KIF21A: variants seen among roughly 807,000 people sequenced by gnomAD.
KIF21A encodes kinesin-like protein KIF21A.
In KIF21A, 114 loss-of-function variants were observed where a neutral mutation model predicts 202.9. That is an observed-to-expected ratio of 0.56 (90% CI 0.48 to 0.66). The LOEUF (loss-of-function observed/expected upper bound fraction) is 0.66. KIF21A is among the 30% of genes least tolerant of loss of function. KIF21A has a pLI of 0.00. For synonymous variants in KIF21A, 667 were observed against 670.8 expected, an observed-to-expected ratio of 0.99 and a Z score of 0.09; for missense variants, 1,677 against 1,994.9, an observed-to-expected ratio of 0.84 and a Z score of 3.04.
intron 1 of KIF21A, among the ~76,000 whole-genome samples, chr12:39,415,430 C>T (rs1953492476): frequency 2.0e-5 from 3 of 151,774 alleles, no homozygotes; most frequent in East Asian, 1.9e-4. Flanking sequence ...TTAATAGAGA[C>T]GGGGTTTCAC....
Position 39,396,073 on chromosome 12 carries a change from G to A in KIF21A, c.45-25812C>T, listed in dbSNP as rs746255289. ...CACGAACAATTAGTCCACCATCATC[G>A]GGACAAAGTCAACATAAGGCCAACC... On this transcript the variant is annotated intron_variant, in intron 1 of 37. Transcript: ENST00000361418. 4.9e-4 allele frequency among the ~76,000 whole-genome samples: 74 copies of A among 151,806 alleles called. 1 individual carries two copies. Among genetic ancestry groups the A allele is most frequent in the African/African-American group, 1.7e-3 (69 of 41,302 alleles).
intron 1 of KIF21A, among the ~76,000 whole-genome samples, chr12:39,408,439 A>G (rs1040878754): frequency 2.0e-5 from 3 of 152,112 alleles, no homozygotes; most frequent in African/African-American, 7.2e-5. Context: ...CAGACTGGTA[A>G]CAGTTCCTAG....
chr12:39,347,648 T>G (rs984107080), intron 11 of KIF21A, among the ~76,000 whole-genome samples: 4 of 152,052 alleles, frequency 2.6e-5, no homozygotes, highest in African/African-American at 4.8e-5. Flanking sequence ...ATGCCGCCAT[T>G]ATAAGACGAG....
intron 24 of KIF21A, among the ~76,000 whole-genome samples, chr12:39,328,425 T>C (rs990316184): frequency 1.7e-4 from 26 of 152,160 alleles, no homozygotes; most frequent in African/African-American, 6.3e-4. Flanking sequence ...GGATACAGAT[T>C]CCTCCAGAGT....
intron 1 of KIF21A, among the ~76,000 whole-genome samples, chr12:39,380,028 C>T (rs564188493): frequency 3.4e-4 from 52 of 152,276 alleles, no homozygotes; most frequent in African/African-American, 1.1e-3. Context: ...AGTGCAGTGG[C>T]GCTATCTCTG....
rs570526679 is a variant in KIF21A at position 39,293,901 on chromosome 12, C to G, written c.*523G>C. ...CTTATGAAAATTCATCAATAATATT[C>G]TCATATCTTATTTTTGTCCATTACA... On this transcript the variant is annotated 3_prime_UTR_variant, in exon 38 of 38. Coordinates refer to ENST00000361418, the MANE Select transcript of KIF21A (RefSeq NM_001173464.2). 6.4e-6 allele frequency: 1 copy of G among 156,396 alleles called. No individual in the cohort carries two copies. The highest frequency in any genetic ancestry group is 2.0e-4 in the South Asian group (1 of 5,116). The allele number at this position is 156,396 out of a possible 1,614,324, so 9.7% of individuals were successfully genotyped here.
At chr12:39,421,234 A>T (rs1385484335) in intron 1 of KIF21A, among the ~76,000 whole-genome samples, 1 of 152,220 alleles carries the variant, frequency 6.6e-6, no homozygotes, top group Non-Finnish European at 1.5e-5. Context: ...ACGCTCTATC[A>T]TATACCCTAA....
chr12:39,364,362 G>A (rs1228993423), intron 6 of KIF21A, among the ~76,000 whole-genome samples: 2 of 152,046 alleles, frequency 1.3e-5, no homozygotes, highest in East Asian at 1.9e-4. Flanking sequence ...AGCCTAAAGA[G>A]GAAAACAAAG....
chr12:39,341,451 G>A, intron 14 of KIF21A, 54 bp downstream of exon 14: 1 of 1,547,812 alleles, frequency 6.5e-7, no homozygotes, highest in South Asian at 1.1e-5. Context: ...TTTCTGTCAT[G>A]GTTTAAACAA....
At chr12:39,354,790 T>C (rs1378673112) in intron 10 of KIF21A, among the ~76,000 whole-genome samples, 1 of 152,186 alleles carries the variant, frequency 6.6e-6, no homozygotes, top group Non-Finnish European at 1.5e-5. Flanking sequence ...CGTAACACTT[T>C]ATACCTTTAT....
intron 18 of KIF21A, 36 bp from the exon 19 acceptor site, chr12:39,333,143 T>G (rs771667543): frequency 1.1e-5 from 18 of 1,606,482 alleles, no homozygotes; most frequent in Non-Finnish European, 1.5e-5. Flanking sequence ...ATTCTCTTAG[T>G]CTATAGAAAT....
At chr12:39,438,159 A>G (rs1319631377) in intron 1 of KIF21A, among the ~76,000 whole-genome samples, 1 of 152,210 alleles carries the variant, frequency 6.6e-6, no homozygotes, top group Non-Finnish European at 1.5e-5. Flanking sequence ...GCTATCTGAT[A>G]GGATTTTAAT....
At chr12:39,378,749 T>A (rs1950419663) in intron 1 of KIF21A, among the ~76,000 whole-genome samples, 1 of 152,098 alleles carries the variant, frequency 6.6e-6, no homozygotes, top group Non-Finnish European at 1.5e-5. Context: ...TTGAGGAGTG[T>A]AACCATGGTC....
chr12:39,399,743 A>G (rs1275552721), intron 1 of KIF21A, among the ~76,000 whole-genome samples: 1 of 152,176 alleles, frequency 6.6e-6, no homozygotes, highest in African/African-American at 2.4e-5. Context: ...ATAGGCCCCT[A>G]GGCATCTTCC....
chr12:39,417,361 G>T (rs1056745382), intron 1 of KIF21A, among the ~76,000 whole-genome samples: 2 of 152,110 alleles, frequency 1.3e-5, no homozygotes, highest in Middle Eastern at 3.4e-3. Context: ...GTTCAGTCAT[G>T]ATTATATTTT....
chr12:39,432,986 A>G (rs1294473672), intron 1 of KIF21A, among the ~76,000 whole-genome samples: 1 of 152,236 alleles, frequency 6.6e-6, no homozygotes, highest in Admixed American at 6.5e-5. Flanking sequence ...CACACTGATT[A>G]CAACAATTTC....
chr12:39,297,931 A>G (rs1273811839), intron 37 of KIF21A, among the ~76,000 whole-genome samples: 1 of 150,358 alleles, frequency 6.7e-6, no homozygotes, highest in Admixed American at 6.6e-5. Flanking sequence ...TATCAAAAAA[A>G]AAAAAGAAAA....
At chr12:39,391,945 G>A (rs1419000769) in intron 1 of KIF21A, among the ~76,000 whole-genome samples, 2 of 151,938 alleles carry the variant, frequency 1.3e-5, no homozygotes, top group East Asian at 1.9e-4. Context: ...TCACCATCTC[G>A]GCCAAGCTGG....
At chr12:39,344,682 T>C (rs983592823) in intron 12 of KIF21A, among the ~76,000 whole-genome samples, 61 of 152,194 alleles carry the variant, frequency 4.0e-4, no homozygotes, top group African/African-American at 1.4e-3. Context: ...TCAGCAGTCA[T>C]AACTTTACAT....
Sources: gnomAD v4.1 joint callset for allele counts (sites outside exome capture counted in the v4.1 genomes callset) on GRCh38, gnomAD v4.1.1 for gene constraint, MANE v1.5 for transcripts, NCBI Gene and HGNC (gene_info 2026-07-23, HGNC 2026-07-21) for gene names.